The following TMEM154 variants were observed in gnomAD, a reference collection of about 807,000 sequenced individuals.
The protein encoded by TMEM154 is transmembrane protein 154.
A neutral mutation model predicts 24.5 loss-of-function variants in TMEM154; 27 were observed. That is an observed-to-expected ratio of 1.10 (90% CI 0.81 to 1.52). The LOEUF (loss-of-function observed/expected upper bound fraction) is 1.52. Among genes scored for constraint, TMEM154 ranks in the 40% most tolerant of loss-of-function variants. The probability of loss-of-function intolerance (pLI) is 0.00; values close to 1 mark genes in which losing one functional copy is unlikely to be tolerated. For missense variants in TMEM154, 228 were observed against 213.4 expected (o/e 1.07, Z -0.43); for synonymous variants, 67 against 76.8 (o/e 0.87, Z 0.67).
intron 6 of TMEM154, among the ~76,000 whole-genome samples, chr4:152,636,975 A>G (rs1752162376): frequency 6.6e-6 from 1 of 152,258 alleles, no homozygotes; most frequent in Non-Finnish European, 1.5e-5. Context: ...AGAATCATGC[A>G]CAAGGTAAAA....
At chr4:152,642,501 T>G (rs1214403035) in intron 5 of TMEM154, among the ~76,000 whole-genome samples, 7 of 152,220 alleles carry the variant, frequency 4.6e-5, no homozygotes. Flanking sequence ...AATTGGAAAT[T>G]GTTATATGGG....
chr4:152,677,536 A>C (rs1277827794), intron 1 of TMEM154, among the ~76,000 whole-genome samples: 1 of 152,250 alleles, frequency 6.6e-6, no homozygotes, highest in Non-Finnish European at 1.5e-5. Context: ...TACATTAATT[A>C]ATTTTAAAAA....
chr4:152,675,156 C>CAA (rs368552348), intron 1 of TMEM154, among the ~76,000 whole-genome samples: 3,222 of 82,302 alleles, frequency 0.039, 225 homozygotes, highest in African/African-American at 0.059. Context: ...GGCTCCATCT[C>CAA]AAAAAAAAAA....
chr4:152,669,775 C>G (rs892316025), intron 1 of TMEM154: 1 of 152,090 alleles, frequency 6.6e-6, no homozygotes, highest in Admixed American at 6.5e-5. Flanking sequence ...AAAATAACAA[C>G]GATGGTTTTA....
At chr4:152,676,009 C>T (rs1728946477) in intron 1 of TMEM154, among the ~76,000 whole-genome samples, 1 of 152,178 alleles carries the variant, frequency 6.6e-6, no homozygotes, top group African/African-American at 2.4e-5. Flanking sequence ...GTAGGGCTCT[C>T]CCACAGTGAC....
At chr4:152,651,587 C>T (rs1728383806) in intron 3 of TMEM154, among the ~76,000 whole-genome samples, 1 of 152,200 alleles carries the variant, frequency 6.6e-6, no homozygotes, top group South Asian at 2.1e-4. Context: ...AGAATTAAGG[C>T]CTTGCTCTGG....
intron 6 of TMEM154, among the ~76,000 whole-genome samples, chr4:152,630,309 C>CAAAAAAAAA (rs56827457): frequency 1.1e-5 from 1 of 91,332 alleles, no homozygotes; most frequent in Admixed American, 1.3e-4. Flanking sequence ...CACCCTGTCT[C>CAAAAAAAAA]AAAAAAAAAA....
intron 6 of TMEM154, among the ~76,000 whole-genome samples, chr4:152,639,596 C>A (rs71620219): frequency 0.051 from 7,814 of 152,102 alleles, 268 homozygotes; most frequent in Non-Finnish European, 0.075. Flanking sequence ...CTCCCCCTCT[C>A]TCTCCCTCTC....
intron 1 of TMEM154, among the ~76,000 whole-genome samples, chr4:152,672,021 T>TG (rs1561058861): frequency 6.8e-6 from 1 of 147,702 alleles, no homozygotes; most frequent in Non-Finnish European, 1.5e-5. Context: ...TTGGGAGGTC[T>TG]AAGTGGGAGG....
At chr4:152,635,868 C>A (rs900257261) in intron 6 of TMEM154, among the ~76,000 whole-genome samples, 5 of 152,198 alleles carry the variant, frequency 3.3e-5, no homozygotes, top group African/African-American at 9.6e-5. Context: ...ACATCTAATT[C>A]TTTCCCTAAT....
chr4:152,644,257 G>A (rs944894634), intron 4 of TMEM154, among the ~76,000 whole-genome samples, 158 bp downstream of exon 4: 9 of 152,172 alleles, frequency 5.9e-5, no homozygotes, highest in African/African-American at 2.2e-4. Flanking sequence ...GGGGATGCCA[G>A]CACATCCTCC....
intron 3 of TMEM154, chr4:152,647,260 T>C (rs1002232616): frequency 1.0e-6 from 1 of 985,242 alleles, no homozygotes; most frequent in Non-Finnish European, 1.2e-6. Context: ...TGCTCTCCTA[T>C]AAAGCATTTC....
At chr4:152,677,375 T>C (rs1286693484) in intron 1 of TMEM154, among the ~76,000 whole-genome samples, 1 of 152,234 alleles carries the variant, frequency 6.6e-6, no homozygotes, top group Non-Finnish European at 1.5e-5. Flanking sequence ...TCTCAGAGTA[T>C]ACTCACAAAC....
chr4:152,636,340 G>T (rs6812836), intron 6 of TMEM154, among the ~76,000 whole-genome samples: 16,240 of 152,194 alleles, frequency 0.11, 1,133 homozygotes, highest in African/African-American at 0.2. Flanking sequence ...TTTGCCCCTG[G>T]GCAGTGCCAG....
intron 1 of TMEM154, among the ~76,000 whole-genome samples, chr4:152,658,117 G>A (rs1387762081): frequency 1.3e-5 from 2 of 152,052 alleles, no homozygotes; most frequent in African/African-American, 2.4e-5. Context: ...AAAACTACAA[G>A]TCAATAATAA....
chr4:152,667,939 A>G (rs1728753203), intron 1 of TMEM154, among the ~76,000 whole-genome samples: 1 of 152,264 alleles, frequency 6.6e-6, no homozygotes, highest in African/African-American at 2.4e-5. Context: ...CACACCTGCA[A>G]CTGTAATTTA....
In TMEM154 at chr4:152,622,692, T is replaced by C. The variant is rs1178606049; in HGVS notation, c.*5854A>G. 3 of 152,276 alleles carry C rather than the reference T, an allele frequency of 2.0e-5. No individual in the cohort carries two copies. The East Asian group carries it at 5.8e-4, about 29-fold the overall frequency. 9.4% of individuals were successfully genotyped at this position (152,276 alleles called of 1,614,324 possible). A position where few individuals can be genotyped will look rare whatever the true frequency, so the allele number is the denominator to read the frequency against. ...TTATATATACATATGTATACTGACA[T>C]TTATAAAATTGTAAATCATACTGGA... On this transcript the variant is annotated 3_prime_UTR_variant, in exon 7 of 7. Coordinates refer to ENST00000304385, the MANE Select transcript of TMEM154 (RefSeq NM_152680.3).
rs979218303 is a variant in TMEM154 at position 152,627,568 on chromosome 4, G to A, written c.*978C>T. The A allele has an allele frequency of 3.9e-5, 6 of 152,184 alleles. No individual in the cohort carries two copies. Among genetic ancestry groups the A allele is most frequent in the Admixed American group, 3.9e-4 (6 of 15,278 alleles). 9.4% of individuals were successfully genotyped at this position (152,184 alleles called of 1,614,324 possible). On this transcript the variant is annotated 3_prime_UTR_variant, in exon 7 of 7. Coordinates refer to ENST00000304385, the MANE Select transcript of TMEM154 (RefSeq NM_152680.3). The stretch of plus-strand genomic sequence containing the variant: ...TGACAGAGACCTCCTGTTGTGCTGT[G>A]TTAGGACATGAGGCTTATCCCAGCT...
intron 1 of TMEM154, among the ~76,000 whole-genome samples, chr4:152,679,308 T>C (rs940107394): frequency 6.6e-6 from 1 of 151,158 alleles, no homozygotes; most frequent in Non-Finnish European, 1.5e-5. Flanking sequence ...AGACCTTACT[T>C]GATGTGTTAG....
Sources: allele counts gnomAD v4.1 joint callset (sites outside exome capture counted in the v4.1 genomes callset), GRCh38; gene constraint gnomAD v4.1.1; transcripts MANE v1.5; gene names NCBI Gene and HGNC (gene_info 2026-07-23, HGNC 2026-07-21).